PRKCE: variants seen among roughly 807,000 people sequenced by gnomAD.
The protein encoded by PRKCE is protein kinase C epsilon type.
A neutral mutation model predicts 85.4 loss-of-function variants in PRKCE; 16 were observed. That is an observed-to-expected ratio of 0.19 (90% CI 0.13 to 0.28). The LOEUF is 0.28. Among genes scored for constraint, PRKCE ranks in the 10% least tolerant of loss-of-function variants. PRKCE has a pLI of 1.00. For missense variants in PRKCE, 573 were observed against 975.2 expected, an observed-to-expected ratio of 0.59 and a Z score of 5.49; for synonymous variants, 388 against 371.5, an observed-to-expected ratio of 1.04 and a Z score of -0.51.
At chr2:46,025,974 C>T (rs1205704088) in intron 10 of PRKCE, among the ~76,000 whole-genome samples, 2 of 152,164 alleles carry the variant, frequency 1.3e-5, no homozygotes, top group South Asian at 2.1e-4. Flanking sequence ...ACCTGGTAGA[C>T]GCCATAGGCA....
Position 45,984,695 on chromosome 2 carries a change from G to A in PRKCE, c.823+15G>A, listed in dbSNP as rs563249157. 1 of 1,594,062 alleles carries A rather than the reference G, an allele frequency of 6.3e-7. No individual in the cohort carries two copies. The highest frequency in any genetic ancestry group is 1.3e-5 in the African/African-American group (1 of 74,926). On this transcript the variant is annotated intron_variant, in intron 6 of 14. Transcript: ENST00000306156. The stretch of plus-strand genomic sequence containing the variant: ...GCAGTGTAAAGGTAAGTTGCTCCCT[G>A]CCCTGCCCTCAGCCCCTGCATGTCC...
At chr2:46,023,247 G>A (rs1164537591) in intron 10 of PRKCE, among the ~76,000 whole-genome samples, 2 of 152,154 alleles carry the variant, frequency 1.3e-5, no homozygotes, top group Non-Finnish European at 2.9e-5. Flanking sequence ...ACCATTGTTG[G>A]TAGGTTTGAC....
rs1686862130 is a variant in PRKCE, at chr2:45,789,413, G to A, written c.349-53587G>A. On this transcript the variant is annotated intron_variant, in intron 1 of 14. Transcript: ENST00000306156. ...AATGTGTATGTTTGACAAAAGCCTA[G>A]GACCATAGTGAGACCTTGGCTCTAC... 2.6e-5 allele frequency among the ~76,000 whole-genome samples: 4 copies of A among 152,162 alleles called. No individual in the cohort carries two copies. The South Asian group carries it at 8.3e-4, about 32-fold the overall frequency.
intron 10 of PRKCE, among the ~76,000 whole-genome samples, chr2:46,046,450 T>G (rs1016855707): frequency 1.3e-5 from 2 of 152,252 alleles, no homozygotes; most frequent in Admixed American, 6.5e-5. Flanking sequence ...TGAAGTTGAA[T>G]CTCTGGGCTG....
At chr2:45,832,544 C>T (rs141179815) in intron 1 of PRKCE, among the ~76,000 whole-genome samples, 8,076 of 152,170 alleles carry the variant, frequency 0.053, 323 homozygotes, top group East Asian at 0.1. Flanking sequence ...AACTCCTGAC[C>T]TCGTGATCCG....
intron 2 of PRKCE, among the ~76,000 whole-genome samples, chr2:45,864,505 A>G (rs1693426564): frequency 6.6e-6 from 1 of 152,204 alleles, no homozygotes; most frequent in Non-Finnish European, 1.5e-5. Flanking sequence ...TTTTTAATGT[A>G]AACATAATTG....
chr2:45,992,629 C>T (rs558699761), intron 6 of PRKCE, among the ~76,000 whole-genome samples: 46 of 152,196 alleles, frequency 3.0e-4, no homozygotes, highest in Non-Finnish European at 5.1e-4. Context: ...GGCCAAATTA[C>T]CCCAACATAA....
At chr2:46,102,477 A>C (rs1671336148) in intron 11 of PRKCE, among the ~76,000 whole-genome samples, 1 of 152,222 alleles carries the variant, frequency 6.6e-6, no homozygotes, top group Non-Finnish European at 1.5e-5. Context: ...ACCCTACACC[A>C]GGTTCCCCTA....
At chr2:46,124,133 T>A (rs779277423) in intron 11 of PRKCE, among the ~76,000 whole-genome samples, 1 of 152,190 alleles carries the variant, frequency 6.6e-6, no homozygotes, top group Non-Finnish European at 1.5e-5. Context: ...AAGACCAGCC[T>A]GGCCAACATG....
intron 6 of PRKCE, among the ~76,000 whole-genome samples, chr2:45,985,827 AG>A (rs1236226221): frequency 1.3e-5 from 2 of 152,232 alleles, no homozygotes; most frequent in Non-Finnish European, 2.9e-5. Context: ...CCTTAACTCG[AG>A]GTGCCCGTGG....
At chr2:46,153,503 G>A (rs577578979) in intron 13 of PRKCE, among the ~76,000 whole-genome samples, 7 of 152,310 alleles carry the variant, frequency 4.6e-5, no homozygotes, top group African/African-American at 1.7e-4. Flanking sequence ...CAGGCTGCAT[G>A]GGGTGCTCTT....
At chr2:45,920,992 C>T (rs1698208409) in intron 2 of PRKCE, among the ~76,000 whole-genome samples, 1 of 152,230 alleles carries the variant, frequency 6.6e-6, no homozygotes, top group Non-Finnish European at 1.5e-5. Flanking sequence ...GCTCTCAGCT[C>T]ATCCCTACAT....
intron 1 of PRKCE, among the ~76,000 whole-genome samples, chr2:45,788,788 T>C (rs60831985): frequency 0.16 from 24,637 of 152,218 alleles, 2,169 homozygotes; most frequent in African/African-American, 0.22. Context: ...AGTAGTGCTA[T>C]TCTCGGGATT....
intron 2 of PRKCE, among the ~76,000 whole-genome samples, chr2:45,885,465 A>C (rs888679269): frequency 6.6e-6 from 1 of 152,110 alleles, no homozygotes; most frequent in Non-Finnish European, 1.5e-5. Flanking sequence ...TGCTGCTATT[A>C]ATTGGGTTGG....
intron 1 of PRKCE, among the ~76,000 whole-genome samples, chr2:45,763,849 A>G (rs1226524817): frequency 6.6e-6 from 1 of 152,168 alleles, no homozygotes; most frequent in Non-Finnish European, 1.5e-5. Flanking sequence ...AAGAATCCCA[A>G]GCCGAATTGA....
chr2:46,184,085 C>G lies in PRKCE; in HGVS notation c.2068-650C>G, dbSNP rs1680256855. On this transcript the variant is annotated intron_variant, in intron 14 of 14. Coordinates refer to ENST00000306156, the MANE Select transcript of PRKCE (RefSeq NM_005400.3). The surrounding 1 kb of genome is among the most constrained non-coding windows in gnomAD (Gnocchi z 5.0). ...TCAGTAGACACTTATTGCTGGGGAA[C>G]TGCTGGGAACTCAAAGTTGAACAAG... 6.6e-6 allele frequency among the ~76,000 whole-genome samples: 1 copy of G among 152,118 alleles called. No homozygotes were observed.
In PRKCE at chr2:46,186,276, T is replaced by A. The variant is rs1033696209; in HGVS notation, c.*1395T>A. On this transcript the variant is annotated 3_prime_UTR_variant, in exon 15 of 15. Transcript: ENST00000306156. ...TGAACTGATTTAGCAGGGAATGGAATCCATTCCAACTATTGCACGTGGATT... is the reference window on the plus strand; with the variant it reads ...TGAACTGATTTAGCAGGGAATGGAAACCATTCCAACTATTGCACGTGGATT... 2 of 152,634 alleles carry A rather than the reference T, an allele frequency of 1.3e-5. No individual in the cohort carries two copies. Among genetic ancestry groups the A allele is most frequent in the Non-Finnish European group, 2.9e-5 (2 of 68,032 alleles). The allele number at this position is 152,634 out of a possible 1,614,324, so 9.5% of individuals were successfully genotyped here.
intron 2 of PRKCE, among the ~76,000 whole-genome samples, chr2:45,890,938 GT>G (rs1695677068): frequency 6.6e-6 from 1 of 152,196 alleles, no homozygotes; most frequent in Non-Finnish European, 1.5e-5. Context: ...ACCTTGGAAT[GT>G]TGGCTAACAG....
chr2:45,703,778 G>A (rs1011427299), intron 1 of PRKCE, among the ~76,000 whole-genome samples: 15 of 152,052 alleles, frequency 9.9e-5, no homozygotes, highest in African/African-American at 3.6e-4. Flanking sequence ...GACAATAATT[G>A]GGCTTCTGTC....
Sources: gnomAD v4.1 joint callset for allele counts (sites outside exome capture counted in the v4.1 genomes callset) on GRCh38, gnomAD v4.1.1 for gene constraint, Gnocchi (gnomAD v3.1) non-coding constraint, MANE v1.5 for transcripts, NCBI Gene and HGNC (gene_info 2026-07-23, HGNC 2026-07-21) for gene names.